Variants in CRTAC1 observed in about 807,000 individuals in gnomAD.
CRTAC1 encodes the protein acidic secreted protein in cartilage.
Under a neutral mutation model 67.8 loss-of-function variants are expected in CRTAC1, and 37 were observed. The observed-to-expected ratio is 0.55, with a 90% confidence interval of 0.42 to 0.72. The LOEUF (loss-of-function observed/expected upper bound fraction) is 0.72. Ranked by LOEUF, CRTAC1 falls within the 30% of genes least tolerant of loss-of-function variation. The pLI, the probability that CRTAC1 is intolerant of heterozygous loss-of-function variation, is 0.00. For missense variants in CRTAC1, 780 were observed against 931.6 expected, an observed-to-expected ratio of 0.84 and a Z score of 2.12; for synonymous variants, 348 against 371.0, an observed-to-expected ratio of 0.94 and a Z score of 0.71.
At chr10:97,982,773 A>C (rs1430066736) in intron 2 of CRTAC1, among the ~76,000 whole-genome samples, 1 of 152,220 alleles carries the variant, frequency 6.6e-6, no homozygotes, top group Admixed American at 6.5e-5. Flanking sequence ...TTGAAGGAGC[A>C]TCACATTTGA....
chr10:97,917,729 C>T, intron 4 of CRTAC1, 73 bp from the exon 5 acceptor site: 2 of 1,238,592 alleles, frequency 1.6e-6, no homozygotes, highest in Non-Finnish European at 2.2e-6. Context: ...CTCCCCACCC[C>T]AGGTAGGACC....
chr10:97,940,648 G>A (rs551610662), intron 2 of CRTAC1, among the ~76,000 whole-genome samples: 12 of 152,342 alleles, frequency 7.9e-5, no homozygotes, highest in African/African-American at 2.6e-4. Flanking sequence ...GGGGTTTGCC[G>A]AGAGCAGCCT....
At chr10:97,917,423 T>C (rs1295697834) in intron 5 of CRTAC1, 77 bp downstream of exon 5, 1 of 1,243,756 alleles carries the variant, frequency 8.0e-7, no homozygotes, top group Non-Finnish European at 1.1e-6. Context: ...CTCTGATGAA[T>C]TAGACTCAGC....
At chr10:97,962,752 T>C (rs2051547069) in intron 2 of CRTAC1, among the ~76,000 whole-genome samples, 1 of 151,186 alleles carries the variant, frequency 6.6e-6, no homozygotes, top group African/African-American at 2.4e-5. Flanking sequence ...AAACAACATC[T>C]GCTCTCTCTG....
intron 2 of CRTAC1, among the ~76,000 whole-genome samples, chr10:97,987,987 G>T (rs1362884960): frequency 3.9e-5 from 6 of 152,180 alleles, no homozygotes; most frequent in Non-Finnish European, 8.8e-5. Context: ...TGGTCAGGCT[G>T]GGAAGATATA....
intron 2 of CRTAC1, among the ~76,000 whole-genome samples, chr10:97,978,506 A>T (rs1482672838): frequency 1.3e-5 from 2 of 152,214 alleles, no homozygotes; most frequent in Non-Finnish European, 1.5e-5. Flanking sequence ...TGCTGTGCAC[A>T]TATCAACCCT....
At chr10:97,914,107 T>TG (rs1487536714) in intron 5 of CRTAC1, among the ~76,000 whole-genome samples, 1 of 152,094 alleles carries the variant, frequency 6.6e-6, no homozygotes, top group African/African-American at 2.4e-5. Flanking sequence ...GCAGAGTTCC[T>TG]GGGGAGGAGG....
chr10:97,868,974 C>T (rs1253313767), intron 14 of CRTAC1: 6 of 152,232 alleles, frequency 3.9e-5, no homozygotes, highest in African/African-American at 1.4e-4. Flanking sequence ...ATTCTTATTT[C>T]CCATTTTACA....
intron 11 of CRTAC1, among the ~76,000 whole-genome samples, chr10:97,889,945 C>T (rs1313310932): frequency 6.6e-6 from 1 of 152,164 alleles, no homozygotes; most frequent in Non-Finnish European, 1.5e-5. Context: ...CCCAACTGCT[C>T]AGAATTGGAA....
intron 2 of CRTAC1, among the ~76,000 whole-genome samples, chr10:97,973,750 C>T (rs528672730): frequency 3.2e-4 from 48 of 152,258 alleles, no homozygotes; most frequent in African/African-American, 1.1e-3. Flanking sequence ...TTCTCCTCCA[C>T]CTAACTCCTT....
At chr10:97,994,900 G>A (rs1842526303) in intron 2 of CRTAC1, among the ~76,000 whole-genome samples, 1 of 152,166 alleles carries the variant, frequency 6.6e-6, no homozygotes. Context: ...CCTGTGTGAG[G>A]AGCTCTGGAA....
At chr10:97,882,700 C>G in intron 13 of CRTAC1, 86 bp downstream of exon 13, 1 of 1,466,040 alleles carries the variant, frequency 6.8e-7, no homozygotes, top group Non-Finnish European at 9.5e-7. Context: ...CTTGCTTGCA[C>G]CCTGGACCTT....
intron 2 of CRTAC1, among the ~76,000 whole-genome samples, chr10:98,004,605 A>T (rs904359353): frequency 9.2e-5 from 14 of 152,150 alleles, no homozygotes; most frequent in Admixed American, 7.9e-4. Flanking sequence ...GTGTGTAAGG[A>T]TGTACATGCA....
intron 2 of CRTAC1, among the ~76,000 whole-genome samples, chr10:97,956,434 C>A (rs2051441908): frequency 6.6e-6 from 1 of 152,162 alleles, no homozygotes; most frequent in South Asian, 2.1e-4. Flanking sequence ...GTCAATCCGG[C>A]ACACAATTAT....
At chr10:97,948,583 G>A (rs1013602448) in intron 2 of CRTAC1, among the ~76,000 whole-genome samples, 6 of 152,208 alleles carry the variant, frequency 3.9e-5, no homozygotes, top group Admixed American at 1.3e-4. Flanking sequence ...GGCAGGGTGT[G>A]CAGTAGGTCA....
intron 7 of CRTAC1, among the ~76,000 whole-genome samples, chr10:97,902,735 G>A (rs933172499): frequency 2.0e-5 from 3 of 152,152 alleles, no homozygotes; most frequent in Admixed American, 6.5e-5. Context: ...TCCTCTACCC[G>A]ACTTGGGCCT....
chr10:97,978,930 C>A (rs980974839), intron 2 of CRTAC1, among the ~76,000 whole-genome samples: 12 of 152,188 alleles, frequency 7.9e-5, no homozygotes, highest in South Asian at 2.1e-4. Context: ...ATTTAGCAGG[C>A]ATCATATGCA....
At chr10:97,966,992 C>T (rs1355616825) in intron 2 of CRTAC1, among the ~76,000 whole-genome samples, 2 of 34,822 alleles carry the variant, frequency 5.7e-5, no homozygotes, top group African/African-American at 1.2e-4. Context: ...ATTGTAAAGT[C>T]ACCCCCCCCC....
At chr10:97,882,914 G>A (rs2136540558) in intron 12 of CRTAC1, 86 bp from the exon 13 acceptor site, 1 of 1,387,584 alleles carries the variant, frequency 7.2e-7, no homozygotes, top group East Asian at 2.3e-5. Flanking sequence ...CAGAGTAGTT[G>A]TCACCCTAAC....
Sources: allele counts gnomAD v4.1 joint callset (sites outside exome capture counted in the v4.1 genomes callset), GRCh38; gene constraint gnomAD v4.1.1; transcripts MANE v1.5; gene names NCBI Gene and HGNC (gene_info 2026-07-23, HGNC 2026-07-21).